The following PLGRKT variants were observed in gnomAD, a reference collection of about 807,000 sequenced individuals.
The protein encoded by PLGRKT is plasminogen receptor with a C-terminal lysine, also known as plasminogen receptor (KT).
PLGRKT carries 22 observed loss-of-function variants against 18.5 expected under a neutral mutation model. The observed-to-expected ratio is 1.19, with a 90% CI of 0.85 to 1.70. The LOEUF (loss-of-function observed/expected upper bound fraction) is 1.70. Ranked by LOEUF, PLGRKT falls within the 40% of genes most tolerant of loss-of-function variation. The probability of loss-of-function intolerance (pLI) is 0.00; values close to 1 mark genes in which losing one functional copy is unlikely to be tolerated. For missense variants in PLGRKT, 235 were observed against 174.4 expected (o/e 1.35, Z -1.96); for synonymous variants, 72 against 52.8 (o/e 1.36, Z -1.58).
intron 3 of PLGRKT, chr9:5,392,620 C>T (rs993379709): frequency 1.1e-4 from 16 of 151,822 alleles, no homozygotes; most frequent in Admixed American, 7.9e-4. Flanking sequence ...AGGCAAGCTG[C>T]TTTTCATCTT....
At chr9:5,364,373 T>G (rs1817336534) in intron 3 of PLGRKT, among the ~76,000 whole-genome samples, 1 of 152,220 alleles carries the variant, frequency 6.6e-6, no homozygotes, top group African/African-American at 2.4e-5. Flanking sequence ...CAAAAGATTG[T>G]GAGCAGAGGG....
chr9:5,374,373 T>A (rs1052601164), intron 3 of PLGRKT, among the ~76,000 whole-genome samples: 1 of 152,200 alleles, frequency 6.6e-6, no homozygotes, highest in Non-Finnish European at 1.5e-5. Flanking sequence ...TGATCTGGTG[T>A]TGCTTTCCTG....
chr9:5,410,782 G>T (rs1361306464), intron 3 of PLGRKT, among the ~76,000 whole-genome samples: 1 of 152,032 alleles, frequency 6.6e-6, no homozygotes, highest in East Asian at 1.9e-4. Context: ...GTACCACAGA[G>T]AAAGATTAGA....
intron 3 of PLGRKT, among the ~76,000 whole-genome samples, chr9:5,366,585 G>C (rs1014476631): frequency 1.3e-5 from 2 of 152,042 alleles, no homozygotes; most frequent in African/African-American, 2.4e-5. Flanking sequence ...AGGCATCGAA[G>C]GAACATATCT....
chr9:5,376,982 T>C (rs914234936), intron 3 of PLGRKT, among the ~76,000 whole-genome samples: 5 of 152,206 alleles, frequency 3.3e-5, no homozygotes, highest in African/African-American at 1.2e-4. Context: ...CAAAAATTTA[T>C]AATTTTTATA....
intron 3 of PLGRKT, among the ~76,000 whole-genome samples, chr9:5,429,262 T>C (rs1416862789): frequency 2.0e-5 from 3 of 152,156 alleles, no homozygotes; most frequent in Non-Finnish European, 4.4e-5. Flanking sequence ...GGTGGTCTAA[T>C]AGAAACATAG....
chr9:5,432,020 A>G, intron 2 of PLGRKT, 37 bp from the exon 3 acceptor site: 4 of 862,394 alleles, frequency 4.6e-6, no homozygotes, highest in South Asian at 1.4e-5. Context: ...TTATAATAAT[A>G]CACTACATGC....
intron 5 of PLGRKT, among the ~76,000 whole-genome samples, chr9:5,359,593 C>T (rs1315780267): frequency 6.6e-6 from 1 of 152,126 alleles, no homozygotes; most frequent in East Asian, 1.9e-4. Flanking sequence ...AAAAGAATGG[C>T]TGATGATAAA....
chr9:5,419,915 G>T (rs1336417416), intron 3 of PLGRKT, among the ~76,000 whole-genome samples: 2 of 152,102 alleles, frequency 1.3e-5, no homozygotes, highest in Non-Finnish European at 2.9e-5. Flanking sequence ...AACAAAAACT[G>T]GTATAAGAAT....
At chr9:5,398,706 T>A (rs187216949) in intron 3 of PLGRKT, among the ~76,000 whole-genome samples, 13 of 152,024 alleles carry the variant, frequency 8.6e-5, no homozygotes, top group African/African-American at 3.1e-4. Context: ...TCATTTTACA[T>A]CATAAAGCTT....
At chr9:5,426,194 T>G (rs369265744) in intron 3 of PLGRKT, among the ~76,000 whole-genome samples, 8 of 152,152 alleles carry the variant, frequency 5.3e-5, no homozygotes, top group Admixed American at 2.6e-4. Flanking sequence ...ACTCAATACA[T>G]AGGGAGGAGA....
intron 3 of PLGRKT, among the ~76,000 whole-genome samples, chr9:5,363,255 C>T (rs554087141): frequency 6.6e-5 from 10 of 152,078 alleles, no homozygotes; most frequent in Non-Finnish European, 1.3e-4. Flanking sequence ...ACCTGGACAG[C>T]GCCACATGAT....
chr9:5,415,289 T>C (rs571179540), intron 3 of PLGRKT, among the ~76,000 whole-genome samples: 88 of 152,304 alleles, frequency 5.8e-4, no homozygotes, highest in Middle Eastern at 3.4e-3. Flanking sequence ...TTATAACCCA[T>C]AGAGTAAAAT....
At chr9:5,372,860 A>G (rs1586706104) in intron 3 of PLGRKT, among the ~76,000 whole-genome samples, 1 of 152,140 alleles carries the variant, frequency 6.6e-6, no homozygotes, top group Non-Finnish European at 1.5e-5. Context: ...AACTAGTATT[A>G]CCTGCCACTG....
intron 3 of PLGRKT, 109 bp downstream of exon 3, chr9:5,431,788 C>G (rs1818830975): frequency 3.2e-6 from 2 of 632,516 alleles, no homozygotes; most frequent in African/African-American, 3.7e-5. Context: ...GGATGCAGCC[C>G]AAAGAACATT....
At chr9:5,385,932 C>G (rs1016995125) in intron 3 of PLGRKT, among the ~76,000 whole-genome samples, 1 of 151,730 alleles carries the variant, frequency 6.6e-6, no homozygotes, top group South Asian at 2.1e-4. Flanking sequence ...AGTAAAAGCA[C>G]AGTTATGGGT....
At chr9:5,361,927 T>G (rs917273750) in intron 3 of PLGRKT, 39 bp from the exon 4 acceptor site, 3 of 1,585,978 alleles carry the variant, frequency 1.9e-6, no homozygotes, top group Non-Finnish European at 2.6e-6. Flanking sequence ...GTTACTCATC[T>G]TTGGAATCTG....
At chr9:5,394,967 G>A (rs1481209375) in intron 3 of PLGRKT, among the ~76,000 whole-genome samples, 2 of 151,792 alleles carry the variant, frequency 1.3e-5, no homozygotes, top group Admixed American at 6.6e-5. Flanking sequence ...ATTCTGCAAG[G>A]CTTTGCAGCA....
In PLGRKT at chr9:5,412,787, T is replaced by G. The variant is rs1048513562; in HGVS notation, c.81+19110A>C. Among the ~76,000 whole-genome samples, 3 of 152,130 alleles carry G rather than the reference T, an allele frequency of 2.0e-5. No individual in the cohort carries two copies. In the East Asian group the frequency reaches 5.8e-4, roughly 29 times the overall value. The stretch of plus-strand genomic sequence containing the variant: ...AACTTGACCACATAAAACTAAACTT[T>G]TTTTCATGGTGTAAAAATTTTTAAA... On this transcript the variant is annotated intron_variant, in intron 3 of 5. Transcript: ENST00000223864.
Sources: allele counts gnomAD v4.1 joint callset (sites outside exome capture counted in the v4.1 genomes callset), GRCh38; gene constraint gnomAD v4.1.1; transcripts MANE v1.5; gene names NCBI Gene and HGNC (gene_info 2026-07-23, HGNC 2026-07-21).